The following MAD1L1 variants were observed in gnomAD, a reference collection of about 807,000 sequenced individuals.
MAD1L1 encodes mitotic arrest deficient 1 like 1.
Under a neutral mutation model 96.9 loss-of-function variants are expected in MAD1L1, and 95 were observed. That is an observed-to-expected ratio of 0.98 (90% CI 0.83 to 1.16). MAD1L1 has a LOEUF of 1.16. Ranked by LOEUF, MAD1L1 falls within the 50% of genes most tolerant of loss-of-function variation. MAD1L1 has a pLI of 0.00. For missense variants in MAD1L1, 1,007 were observed against 954.4 expected (o/e 1.06, Z -0.73); for synonymous variants, 473 against 396.6 (o/e 1.19, Z -2.29).
chr7:1,851,091 C>A (rs1464019078), intron 18 of MAD1L1, among the ~76,000 whole-genome samples: 5 of 152,252 alleles, frequency 3.3e-5, no homozygotes, highest in African/African-American at 1.2e-4. Context: ...GCCCACAGGC[C>A]ACAAGCGTCT....
chr7:2,194,202 C>T (rs1791874295), intron 10 of MAD1L1, among the ~76,000 whole-genome samples: 1 of 152,114 alleles, frequency 6.6e-6, no homozygotes, highest in Non-Finnish European at 1.5e-5. Context: ...AGCAATCTGC[C>T]TACCACCTCA....
chr7:2,172,007 T>C (rs1021737959), intron 10 of MAD1L1, among the ~76,000 whole-genome samples: 2 of 152,088 alleles, frequency 1.3e-5, no homozygotes, highest in African/African-American at 2.4e-5. Context: ...CACTGCTGTG[T>C]GGGTTCAGAT....
intron 11 of MAD1L1, among the ~76,000 whole-genome samples, chr7:2,122,079 C>G (rs151206365): frequency 2.6e-5 from 4 of 152,198 alleles, no homozygotes; most frequent in African/African-American, 9.7e-5. Context: ...TTAAAAGTGT[C>G]TTCCTGGCTT....
chr7:2,067,533 C>T (rs1784932270), intron 12 of MAD1L1, among the ~76,000 whole-genome samples: 1 of 152,200 alleles, frequency 6.6e-6, no homozygotes, highest in Non-Finnish European at 1.5e-5. Flanking sequence ...GCCCCCTCTG[C>T]TTCCCGGGCC....
chr7:2,224,633 CAA>C (rs1366716160), intron 4 of MAD1L1, among the ~76,000 whole-genome samples: 4 of 152,176 alleles, frequency 2.6e-5, no homozygotes, highest in Non-Finnish European at 4.4e-5. Flanking sequence ...ATCCACCCGC[CAA>C]GAGAGGGCAC....
rs1781795698 is a variant in MAD1L1, at chr7:1,816,239, G to A, written c.1999-11C>T. On this transcript the variant is annotated splice_polypyrimidine_tract_variant and intron_variant, in intron 18 of 18. Coordinates refer to ENST00000265854, the MANE Select transcript of MAD1L1 (RefSeq NM_001013836.2). ...CGAGGGGCTGGTGGCCTGCGGGGCA[G>A]TCAAGAAAGAGACAAGACAGCGGTC... 6.2e-7 allele frequency: 1 copy of A among 1,609,588 alleles called. No homozygotes were observed. Among genetic ancestry groups the A allele is most frequent in the Non-Finnish European group, 8.5e-7 (1 of 1,177,748 alleles).
rs182790987 is a variant in MAD1L1 at position 1,898,105 on chromosome 7, C to T, written c.1998+95G>A. On this transcript the variant is annotated intron_variant, in intron 18 of 18. Coordinates refer to ENST00000265854, the MANE Select transcript of MAD1L1 (RefSeq NM_001013836.2). ...CCCTCCACACCATCCCCTTTGGACG[C>T]GAGGCTGCTCCTTTGCTGAGGGCTA... is the stretch of plus-strand genomic sequence containing the variant. The T allele has an allele frequency of 8.2e-5, 109 of 1,333,514 alleles. No homozygotes were observed. The African/African-American group carries it at 1.3e-3, about 16-fold the overall frequency. 82.6% of individuals were successfully genotyped at this position (1,333,514 alleles called of 1,614,324 possible).
intron 11 of MAD1L1, among the ~76,000 whole-genome samples, chr7:2,133,781 C>T (rs1296709958): frequency 6.6e-6 from 1 of 152,192 alleles, no homozygotes; most frequent in East Asian, 1.9e-4. Context: ...GTTCCAGCAC[C>T]ATTTGCTGAG....
intron 14 of MAD1L1, among the ~76,000 whole-genome samples, chr7:1,988,699 G>A (rs905647564): frequency 3.9e-5 from 6 of 152,198 alleles, no homozygotes; most frequent in South Asian, 2.1e-4. Flanking sequence ...CAGACTTCTT[G>A]GGAAGGGCCG....
chr7:2,190,057 A>G (rs1791646524), intron 10 of MAD1L1, among the ~76,000 whole-genome samples: 1 of 152,214 alleles, frequency 6.6e-6, no homozygotes, highest in Non-Finnish European at 1.5e-5. Flanking sequence ...AACAAACTGA[A>G]AGCTAAATCT....
chr7:2,170,912 C>T (rs992485920), intron 10 of MAD1L1, among the ~76,000 whole-genome samples: 1 of 152,172 alleles, frequency 6.6e-6, no homozygotes, highest in Admixed American at 6.5e-5. Context: ...GCCCCAAGCT[C>T]CCTGTGACCA....
intron 11 of MAD1L1, among the ~76,000 whole-genome samples, chr7:2,117,850 C>T (rs1787788954): frequency 6.6e-6 from 1 of 152,144 alleles, no homozygotes; most frequent in Admixed American, 6.5e-5. Context: ...AAGCACCCAA[C>T]CATGAAGTGT....
intron 15 of MAD1L1, among the ~76,000 whole-genome samples, chr7:1,974,404 T>C (rs1780537847): frequency 6.6e-6 from 1 of 152,012 alleles, no homozygotes; most frequent in South Asian, 2.1e-4. Context: ...GAGAACAGGG[T>C]TCACTAGGAG....
intron 15 of MAD1L1, among the ~76,000 whole-genome samples, chr7:1,960,325 A>C (rs1029374172): frequency 6.6e-6 from 1 of 152,176 alleles, no homozygotes; most frequent in Non-Finnish European, 1.5e-5. Context: ...ATCAAAACTA[A>C]TTATATCATA....
chr7:1,960,618 T>C (rs1187259971), intron 15 of MAD1L1, among the ~76,000 whole-genome samples: 1 of 152,176 alleles, frequency 6.6e-6, no homozygotes, highest in East Asian at 1.9e-4. Context: ...CCTAAACATG[T>C]GTGTGCTAAT....
At chr7:2,183,381 T>C (rs1791296986) in intron 10 of MAD1L1, among the ~76,000 whole-genome samples, 3 of 152,054 alleles carry the variant, frequency 2.0e-5, no homozygotes, top group Admixed American at 6.5e-5. Context: ...AAATCAATAA[T>C]AGAAAGAAAG....
intron 4 of MAD1L1, among the ~76,000 whole-genome samples, chr7:2,224,192 C>T (rs1329316542): frequency 6.6e-6 from 1 of 152,136 alleles, no homozygotes; most frequent in East Asian, 1.9e-4. Flanking sequence ...AACAGCTGCA[C>T]ACTGTCCCTC....
At chr7:1,824,197 C>G (rs1006514651) in intron 18 of MAD1L1, among the ~76,000 whole-genome samples, 1 of 152,184 alleles carries the variant, frequency 6.6e-6, no homozygotes, top group African/African-American at 2.4e-5. Context: ...GACTTGAGCA[C>G]TGCCGGCCCC....
At position 1,936,799 on chromosome 7, in the gene MAD1L1, C is replaced by T. The variant is rs746473394; in HGVS notation, c.1695G>A (p.Gln565=). ...QRLREDHSQL[Q]AECERLRGLL... is the part of the protein sequence containing the mutation. ...GCCCGCGCAGTCGCTCGCACTCCGC[C>T]TGCAGCTGGCTGTGGTCCTCGCGCA... Residue 565 remains glutamine, a synonymous_variant, in exon 17 of 19, where the codon CAG becomes CAA. Transcript: ENST00000265854. 4 of 1,592,188 alleles carry T rather than the reference C, an allele frequency of 2.5e-6. No individual in the cohort carries two copies. The highest frequency in any genetic ancestry group is 2.6e-6 in the Non-Finnish European group (3 of 1,170,278).
Sources: gnomAD v4.1 joint callset for allele counts (sites outside exome capture counted in the v4.1 genomes callset) on GRCh38, gnomAD v4.1.1 for gene constraint, MANE v1.5 for transcripts, NCBI Gene and HGNC (gene_info 2026-07-23, HGNC 2026-07-21) for gene names.